DYM: variants seen among roughly 807,000 people sequenced by gnomAD.
DYM encodes dyggve-Melchior-Clausen syndrome protein.
In DYM, 78 loss-of-function variants were observed where a neutral mutation model predicts 93.1. The observed-to-expected ratio is 0.84, with a 90% CI of 0.70 to 1.01. The LOEUF (loss-of-function observed/expected upper bound fraction) is 1.01. DYM is among the 50% of genes least tolerant of loss of function. The probability of loss-of-function intolerance (pLI) is 0.00; values close to 1 mark genes in which losing one functional copy is unlikely to be tolerated. For missense variants in DYM, 789 were observed against 845.0 expected (o/e 0.93, Z 0.82); for synonymous variants, 321 against 319.7 (o/e 1.00, Z -0.04).
intron 13 of DYM, among the ~76,000 whole-genome samples, chr18:49,216,838 G>T (rs1241882306): frequency 2.0e-5 from 3 of 152,172 alleles, no homozygotes; most frequent in Non-Finnish European, 4.4e-5. Context: ...ACTCTAAAAA[G>T]CAGAGTGCCT....
At chr18:49,138,807 G>A (rs1217080455) in intron 15 of DYM, among the ~76,000 whole-genome samples, 1 of 152,132 alleles carries the variant, frequency 6.6e-6, no homozygotes, top group African/African-American at 2.4e-5. Context: ...ATACGATTTA[G>A]ACTGAGACCT....
intron 9 of DYM, among the ~76,000 whole-genome samples, chr18:49,284,190 A>G (rs1319048571): frequency 3.3e-5 from 5 of 152,172 alleles, no homozygotes; most frequent in East Asian, 1.9e-4. Flanking sequence ...TGTATCCACA[A>G]CATATATACA....
At chr18:49,149,848 A>C (rs1004520322) in intron 15 of DYM, among the ~76,000 whole-genome samples, 2 of 151,810 alleles carry the variant, frequency 1.3e-5, no homozygotes, top group African/African-American at 4.8e-5. Flanking sequence ...CTGGGACTAC[A>C]GGCGCGCACC....
intron 14 of DYM, among the ~76,000 whole-genome samples, chr18:49,189,992 T>A (rs2090820847): frequency 6.6e-6 from 1 of 152,206 alleles, no homozygotes; most frequent in Non-Finnish European, 1.5e-5. Context: ...TTTCCTTCCG[T>A]TAAACTAGAC....
chr18:49,264,953 G>A (rs183942420), intron 11 of DYM, among the ~76,000 whole-genome samples: 125 of 152,346 alleles, frequency 8.2e-4, no homozygotes, highest in Non-Finnish European at 1.6e-3. Context: ...TACTACAAAA[G>A]TGACTGTGTC....
intron 6 of DYM, among the ~76,000 whole-genome samples, chr18:49,338,313 A>G (rs1192277313): frequency 6.6e-6 from 1 of 152,244 alleles, no homozygotes; most frequent in Non-Finnish European, 1.5e-5. Context: ...GATGATCTGA[A>G]CAGAATGACA....
At chr18:49,300,558 G>A in intron 8 of DYM, among the ~76,000 whole-genome samples, 1 of 151,680 alleles carries the variant, frequency 6.6e-6, no homozygotes, top group East Asian at 1.9e-4. Context: ...TGATGTTCGT[G>A]CCACTGCACT....
chr18:49,199,319 T>C (rs532491472), intron 14 of DYM, among the ~76,000 whole-genome samples: 32 of 152,344 alleles, frequency 2.1e-4, no homozygotes, highest in African/African-American at 7.2e-4. Flanking sequence ...ATGGCACATG[T>C]ATACATATGT....
intron 17 of DYM, among the ~76,000 whole-genome samples, chr18:49,045,844 G>A (rs1056263256): frequency 4.6e-5 from 7 of 152,096 alleles, no homozygotes; most frequent in African/African-American, 1.7e-4. Context: ...GGCCAGACTG[G>A]GGAGCTGCAC....
In DYM at chr18:49,430,383, A is replaced by G. The variant is rs753054665; in HGVS notation, c.12T>C (p.Asn4=). 6.2e-7 allele frequency: 1 copy of G among 1,613,766 alleles called. No homozygotes were observed. Among genetic ancestry groups the G allele is most frequent in the Admixed American group, 1.7e-5 (1 of 60,016 alleles). Residue 4 remains asparagine (N), a synonymous_variant, in exon 2 of 18, where the codon AAT becomes AAC. Coordinates refer to ENST00000675505, the MANE Select transcript of DYM (RefSeq NM_001353214.3). ...TAGGAAGATCGCCGATTCTGCTGCT[A>G]TTCGATCCCATCTTCTAGCTTAAGC... MGS[N]SSRIGDLPKN... is the part of the protein sequence containing the mutation.
intron 17 of DYM, among the ~76,000 whole-genome samples, chr18:49,049,224 G>T (rs1300804471): frequency 6.6e-6 from 1 of 151,928 alleles, no homozygotes; most frequent in African/African-American, 2.4e-5. Context: ...CATATTCAAA[G>T]AATTTACATA....
intron 16 of DYM, chr18:49,114,399 G>A (rs1371533638): frequency 4.1e-6 from 1 of 244,894 alleles, no homozygotes; most frequent in African/African-American, 2.3e-5. Context: ...CAGGTGAAGT[G>A]TAAATAAGTG....
In DYM at chr18:49,300,582, T is replaced by C. The variant is rs188819726; in HGVS notation, c.764-13966A>G. Among the ~76,000 whole-genome samples the C allele has an allele frequency of 1.7e-3, 256 of 151,618 alleles. 2 individuals are homozygous for C. The highest frequency in any genetic ancestry group is 5.6e-3 in the African/African-American group (231 of 41,306). On this transcript the variant is annotated intron_variant, in intron 8 of 17. Transcript: ENST00000675505. ...TGCCACTGCACTCAAGCCTGGACAATAGAGCAAGACTCAGTCTCCAAAAAA... is the reference window on the plus strand; with the variant it reads ...TGCCACTGCACTCAAGCCTGGACAACAGAGCAAGACTCAGTCTCCAAAAAA...
chr18:49,356,382 G>A (rs1176939914), intron 6 of DYM, among the ~76,000 whole-genome samples: 2 of 152,156 alleles, frequency 1.3e-5, no homozygotes, highest in Non-Finnish European at 2.9e-5. Context: ...CTTGGTATCT[G>A]AAAATACTAC....
At chr18:49,076,103 C>T (rs1408706349) in intron 17 of DYM, among the ~76,000 whole-genome samples, 1 of 147,840 alleles carries the variant, frequency 6.8e-6, no homozygotes, top group Non-Finnish European at 1.5e-5. Context: ...ATCAACCAAC[C>T]AACTCACCCT....
chr18:49,265,272 C>G (rs1308038395), intron 11 of DYM, among the ~76,000 whole-genome samples: 1 of 152,136 alleles, frequency 6.6e-6, no homozygotes, highest in East Asian at 1.9e-4. Flanking sequence ...GTGACTGAAT[C>G]CTGCCTTACC....
Position 49,272,254 on chromosome 18 carries a change from T to C in DYM, c.1175A>G (p.His392Arg). 6.3e-7 allele frequency: 1 copy of C among 1,591,774 alleles called. No individual in the cohort carries two copies. Among genetic ancestry groups the C allele is most frequent in the Non-Finnish European group, 8.6e-7 (1 of 1,159,960 alleles). The part of the protein sequence containing the change: ...ILYHVEERNS[H>R]HVYMALIILL... ...TATTATAAGGGCCATATACACATGG[T>C]GTGAATTCCTTTCTTCAACATGATA... The change falls in exon 11 of 18, where the codon CAC becomes CGC. Residue 392 changes from histidine to arginine, a missense_variant. His to Arg is a conservative substitution (Grantham distance 29). Transcript: ENST00000675505.
At chr18:49,070,862 T>A (rs2076825579) in intron 17 of DYM, among the ~76,000 whole-genome samples, 1 of 152,216 alleles carries the variant, frequency 6.6e-6, no homozygotes, top group Non-Finnish European at 1.5e-5. Context: ...CTAAAGACTG[T>A]GAGAACACCA....
chr18:49,388,087 C>T (rs1463897975), intron 3 of DYM, among the ~76,000 whole-genome samples: 1 of 152,040 alleles, frequency 6.6e-6, no homozygotes, highest in African/African-American at 2.4e-5. Flanking sequence ...ACTTGTAATC[C>T]CAGCACTTTG....
Sources: allele counts gnomAD v4.1 joint callset (sites outside exome capture counted in the v4.1 genomes callset), GRCh38; gene constraint gnomAD v4.1.1; transcripts MANE v1.5; gene names NCBI Gene and HGNC (gene_info 2026-07-23, HGNC 2026-07-21).